Variants in PRKCA observed in about 807,000 individuals in gnomAD.
PRKCA encodes protein kinase C alpha type.
A neutral mutation model predicts 87.0 loss-of-function variants in PRKCA; 27 were observed. The ratio of observed to expected loss-of-function variants is 0.31; its 90% CI spans 0.23 to 0.43. The LOEUF (loss-of-function observed/expected upper bound fraction) is 0.43. Among genes scored for constraint, PRKCA ranks in the 20% least tolerant of loss-of-function variants. PRKCA has a pLI of 1.00. For synonymous variants in PRKCA, 329 were observed against 311.1 expected (o/e 1.06, Z -0.61); for missense variants, 518 against 852.3 (o/e 0.61, Z 4.88).
chr17:66,757,120 T>C (rs1158512493), intron 13 of PRKCA, among the ~76,000 whole-genome samples: 1 of 151,762 alleles, frequency 6.6e-6, no homozygotes, highest in Non-Finnish European at 1.5e-5. Flanking sequence ...AAATGAAGAA[T>C]GCCTTTGATG....
At chr17:66,765,852 C>G (rs73994608) in intron 13 of PRKCA, among the ~76,000 whole-genome samples, 9,348 of 152,160 alleles carry the variant, frequency 0.061, 942 homozygotes, top group African/African-American at 0.21. Flanking sequence ...TTATTAACCA[C>G]AACTGCTCAT....
chr17:66,572,092 C>G (rs144271024), intron 3 of PRKCA, among the ~76,000 whole-genome samples: 1 of 152,146 alleles, frequency 6.6e-6, no homozygotes, highest in Non-Finnish European at 1.5e-5. Flanking sequence ...ATGGTAAGTG[C>G]GTAATACCTC....
chr17:66,587,895 GTATATATATATATATATATATATA>G lies in PRKCA; in HGVS notation c.289-53446_289-53423del, dbSNP rs71160580. On this transcript the variant is annotated intron_variant, in intron 3 of 16. Transcript: ENST00000413366. ...TGTGTGTGTGTGTGTGTGTGTGTGT[GTATATATATATATATATATATATA>G]TATATATATATATCCTGCAGTAGCT... Among the ~76,000 whole-genome samples the G allele has an allele frequency of 1.9e-4, 16 of 85,396 alleles. 1 individual carries two copies. Among genetic ancestry groups the G allele is most frequent in the African/African-American group, 6.0e-4 (15 of 25,042 alleles). The allele number at this position is 85,396 out of a possible 152,430, so 56.0% of individuals were successfully genotyped here. A position where few individuals can be genotyped will look rare whatever the true frequency, so the allele number is the denominator to read the frequency against.
chr17:66,587,236 T>G (rs940795353), intron 3 of PRKCA, among the ~76,000 whole-genome samples: 1 of 152,234 alleles, frequency 6.6e-6, no homozygotes, highest in African/African-American at 2.4e-5. Context: ...AGTTATTTTT[T>G]GGGGACTATC....
At chr17:66,736,573 T>A (rs1974034032) in intron 10 of PRKCA, among the ~76,000 whole-genome samples, 2 of 152,042 alleles carry the variant, frequency 1.3e-5, no homozygotes, top group Non-Finnish European at 1.5e-5. Context: ...CCACCGCACC[T>A]GGCCACAGTC....
intron 2 of PRKCA, chr17:66,415,216 A>G (rs1912064061): frequency 6.6e-6 from 1 of 152,228 alleles, no homozygotes; most frequent in African/African-American, 2.4e-5. Flanking sequence ...ATACTTAACT[A>G]TGATTGAGCT....
chr17:66,529,587 A>G (rs1967470399), intron 3 of PRKCA, among the ~76,000 whole-genome samples: 1 of 152,182 alleles, frequency 6.6e-6, no homozygotes, highest in Non-Finnish European at 1.5e-5. Flanking sequence ...TGGTATGACA[A>G]AATCTCATAG....
intron 2 of PRKCA, among the ~76,000 whole-genome samples, chr17:66,450,526 G>A (rs754356848): frequency 3.9e-5 from 6 of 152,218 alleles, no homozygotes; most frequent in Non-Finnish European, 7.3e-5. Context: ...AGTGAGGTGG[G>A]ATGCAGGTGG....
chr17:66,440,050 C>T (rs1363554736), intron 2 of PRKCA, among the ~76,000 whole-genome samples: 1 of 152,102 alleles, frequency 6.6e-6, no homozygotes, highest in Non-Finnish European at 1.5e-5. Context: ...GGGGTTTTCC[C>T]CCCTTCCAAG....
intron 12 of PRKCA, among the ~76,000 whole-genome samples, chr17:66,742,095 A>G (rs188638098): frequency 1.6e-4 from 25 of 152,308 alleles, no homozygotes; most frequent in East Asian, 5.8e-4. Context: ...AAAAAAATCT[A>G]TTGAATTAAA....
chr17:66,728,455 A>G (rs562561843), intron 8 of PRKCA, among the ~76,000 whole-genome samples: 1 of 152,322 alleles, frequency 6.6e-6, no homozygotes, highest in Non-Finnish European at 1.5e-5. Flanking sequence ...TCCTCTGCCC[A>G]GCTCCACCTT....
intron 16 of PRKCA, among the ~76,000 whole-genome samples, chr17:66,789,303 C>T (rs1426806828): frequency 3.3e-5 from 5 of 152,232 alleles, no homozygotes; most frequent in African/African-American, 9.6e-5. Flanking sequence ...GACTCGCACC[C>T]AGCAGGGCCG....
intron 3 of PRKCA, among the ~76,000 whole-genome samples, chr17:66,554,850 C>T (rs1208462732): frequency 6.6e-6 from 1 of 151,400 alleles, no homozygotes; most frequent in Non-Finnish European, 1.5e-5. Flanking sequence ...CTTGTGATTC[C>T]ACGTTGTCAC....
chr17:66,747,604 C>T (rs1304154484), intron 13 of PRKCA, among the ~76,000 whole-genome samples: 23 of 152,226 alleles, frequency 1.5e-4, no homozygotes, highest in Admixed American at 1.4e-3. Context: ...CCGAGATGTT[C>T]TGACCGGAGC....
chr17:66,638,739 T>C (rs1394358838), intron 3 of PRKCA, among the ~76,000 whole-genome samples: 1 of 151,974 alleles, frequency 6.6e-6, no homozygotes, highest in African/African-American at 2.4e-5. Context: ...TCCCAGCTAC[T>C]CGGGGGGCTG....
intron 5 of PRKCA, among the ~76,000 whole-genome samples, chr17:66,662,983 C>T (rs1971948242): frequency 6.6e-6 from 1 of 152,120 alleles, no homozygotes; most frequent in Non-Finnish European, 1.5e-5. Context: ...GTCGATTCTG[C>T]AGGTGTTGGG....
At chr17:66,491,551 A>G (rs565006709) in intron 2 of PRKCA, among the ~76,000 whole-genome samples, 1 of 152,200 alleles carries the variant, frequency 6.6e-6, no homozygotes, top group African/African-American at 2.4e-5. Flanking sequence ...CCACCTTATT[A>G]CCTCTTTACT....
At chr17:66,486,139 C>T (rs1915978399) in intron 2 of PRKCA, among the ~76,000 whole-genome samples, 1 of 152,056 alleles carries the variant, frequency 6.6e-6, no homozygotes, top group Non-Finnish European at 1.5e-5. Context: ...CAAAAGCTAA[C>T]CTTTGGGTTT....
intron 2 of PRKCA, among the ~76,000 whole-genome samples, chr17:66,382,142 T>C (rs1909804361): frequency 6.6e-6 from 1 of 152,158 alleles, no homozygotes; most frequent in Non-Finnish European, 1.5e-5. Context: ...GAAAACCTGG[T>C]GTCCTGCCAA....
Sources: gnomAD v4.1 joint callset for allele counts (sites outside exome capture counted in the v4.1 genomes callset) on GRCh38, gnomAD v4.1.1 for gene constraint, MANE v1.5 for transcripts, NCBI Gene and HGNC (gene_info 2026-07-23, HGNC 2026-07-21) for gene names.